AMMECR1: variants seen among roughly 807,000 people sequenced by gnomAD.
The protein encoded by AMMECR1 is nuclear protein AMMECR1.
Under a neutral mutation model 22.5 loss-of-function variants are expected in AMMECR1, and 3 were observed. The observed-to-expected ratio is 0.13, with a 90% CI of 0.06 to 0.35. The LOEUF is 0.35. AMMECR1 is among the 10% of genes least tolerant of loss of function. The pLI is 1.00. For missense variants in AMMECR1, 235 were observed against 278.7 expected (o/e 0.84, Z 1.12); for synonymous variants, 130 against 116.7 (o/e 1.11, Z -0.74).
intron 2 of AMMECR1, among the ~76,000 whole-genome samples, chrX:110,375,923 TG>T (rs2068373488): frequency 9.0e-6 from 1 of 111,659 alleles, no homozygotes; most frequent in Admixed American, 9.5e-5. Flanking sequence ...CTAATATTGA[TG>T]TCAGTTATAG....
At chrX:110,337,595 T>C (rs1277239441) in intron 2 of AMMECR1, among the ~76,000 whole-genome samples, 1 of 111,301 alleles carries the variant, frequency 9.0e-6, no homozygotes, top group Non-Finnish European at 1.9e-5. Context: ...GTAGAGAAAA[T>C]TGAACTCTTG....
chrX:110,313,586 T>C (rs1170372281), intron 1 of AMMECR1, among the ~76,000 whole-genome samples: 6 of 112,327 alleles, frequency 5.3e-5, no homozygotes, highest in African/African-American at 1.9e-4. Context: ...GAGCATTTTA[T>C]GGGAACAAAG....
At chrX:110,407,252 T>C (rs774492481) in intron 2 of AMMECR1, among the ~76,000 whole-genome samples, 42 of 112,100 alleles carry the variant, frequency 3.7e-4, no homozygotes, top group African/African-American at 1.2e-3. Flanking sequence ...AAAATAAAAA[T>C]ACATTCTCAA....
intron 1 of AMMECR1, among the ~76,000 whole-genome samples, chrX:110,301,378 TA>T (rs1475812789): frequency 8.9e-6 from 1 of 112,671 alleles, no homozygotes; most frequent in Non-Finnish European, 1.9e-5. Flanking sequence ...GCACAGGGTC[TA>T]AAAGTCAGCC....
intron 1 of AMMECR1, among the ~76,000 whole-genome samples, chrX:110,266,699 T>A (rs905848862): frequency 1.8e-5 from 2 of 109,517 alleles, no homozygotes; most frequent in East Asian, 2.8e-4. Context: ...TTTTTTTTTT[T>A]AAATTATACT....
chrX:110,344,793 A>C (rs868511368), intron 2 of AMMECR1, among the ~76,000 whole-genome samples: 20 of 111,505 alleles, frequency 1.8e-4, no homozygotes, highest in African/African-American at 1.6e-4. Flanking sequence ...AACCACAATG[A>C]GATACCATCT....
intron 2 of AMMECR1, among the ~76,000 whole-genome samples, chrX:110,360,357 C>T (rs1024762294): frequency 3.6e-5 from 4 of 111,622 alleles, no homozygotes; most frequent in Non-Finnish European, 5.7e-5. Context: ...GCAAAATATG[C>T]ATAGCACTGT....
intron 2 of AMMECR1, among the ~76,000 whole-genome samples, chrX:110,329,986 T>C (rs1452748715): frequency 3.6e-5 from 4 of 111,896 alleles, no homozygotes; most frequent in Non-Finnish European, 5.6e-5. Context: ...TTTTCTCTAC[T>C]CCTGCTCTGA....
chrX:110,366,039 G>A (rs2068294990), intron 2 of AMMECR1, among the ~76,000 whole-genome samples: 1 of 111,726 alleles, frequency 9.0e-6, no homozygotes, highest in South Asian at 3.7e-4. Flanking sequence ...GACTGGCTCA[G>A]CTGCAGAATA....
At chrX:110,390,936 T>C (rs2068489910) in intron 2 of AMMECR1, among the ~76,000 whole-genome samples, 1 of 111,836 alleles carries the variant, frequency 8.9e-6, no homozygotes, top group East Asian at 2.8e-4. Flanking sequence ...TACCCTCTCA[T>C]ACCCATTTTT....
chrX:110,217,502 T>TACACACACAC (rs759487797), intron 2 of AMMECR1, among the ~76,000 whole-genome samples: 147 of 88,582 alleles, frequency 1.7e-3, no homozygotes, highest in African/African-American at 4.8e-3. Flanking sequence ...GAATAGAAAA[T>TACACACACAC]ACACACACAC....
rs181062404 is a variant in AMMECR1 at position 110,232,844 on chromosome X, C to T, written c.585-16212G>A. 6.1e-3 allele frequency among the ~76,000 whole-genome samples: 560 copies of T among 92,092 alleles called. 2 individuals are homozygous for T. The highest frequency in any genetic ancestry group is 0.021 in the African/African-American group (513 of 23,984). The allele number at this position is 92,092 out of a possible 115,157, so 80.0% of individuals were successfully genotyped here. A position where few individuals can be genotyped will look rare whatever the true frequency, so the allele number is the denominator to read the frequency against. On this transcript the variant is annotated intron_variant, in intron 2 of 5. Transcript: ENST00000262844. ...GGCGGAGCTTGCAATGAGCTGAGATCGCGCCATTGCACTCCAGCCTGGGTG... is the reference window on the plus strand; with the variant it reads ...GGCGGAGCTTGCAATGAGCTGAGATTGCGCCATTGCACTCCAGCCTGGGTG...
At chrX:110,439,542 A>G (rs1049678806) in intron 1 of AMMECR1, among the ~76,000 whole-genome samples, 1 of 112,177 alleles carries the variant, frequency 8.9e-6, no homozygotes, top group Admixed American at 9.4e-5. Flanking sequence ...CTGTGGTTGC[A>G]TTTAAGACAT....
intron 1 of AMMECR1, among the ~76,000 whole-genome samples, chrX:110,293,776 T>C (rs1310174259): frequency 1.8e-5 from 2 of 112,097 alleles, no homozygotes; most frequent in Non-Finnish European, 3.8e-5. Context: ...ATATGATTTA[T>C]AAATTTCCTT....
chrX:110,239,376 A>C (rs903618132), intron 2 of AMMECR1, among the ~76,000 whole-genome samples: 1 of 110,937 alleles, frequency 9.0e-6, no homozygotes, highest in Non-Finnish European at 1.9e-5. Flanking sequence ...GAGCTGAAAA[A>C]CACAGCATGA....
chrX:110,420,955 C>A (rs755520262), intron 2 of AMMECR1, among the ~76,000 whole-genome samples: 11 of 111,679 alleles, frequency 9.8e-5, no homozygotes, highest in African/African-American at 3.6e-4. Flanking sequence ...ACTGCCTCAG[C>A]CCTTGAAAAT....
At chrX:110,359,664 TGA>T (rs1160165066) in intron 2 of AMMECR1, among the ~76,000 whole-genome samples, 2 of 111,949 alleles carry the variant, frequency 1.8e-5, no homozygotes, top group African/African-American at 6.5e-5. Context: ...AAAAATATAC[TGA>T]GTGTCTTACT....
chrX:110,205,552 C>T (rs749838653), intron 3 of AMMECR1, among the ~76,000 whole-genome samples: 11 of 111,466 alleles, frequency 9.9e-5, no homozygotes, highest in Non-Finnish European at 1.5e-4. Context: ...TAACTTTCTA[C>T]GTATGGATGA....
rs2067379854 is a variant in AMMECR1 at position 110,198,204 on chromosome X, G to C, written c.*316C>G. ...AGCAAAACGGGAAGAAAGGCAAGGA[G>C]GACAGAAAAACAGAAACCTGACTGA... On this transcript the variant is annotated 3_prime_UTR_variant, in exon 6 of 6. Transcript: ENST00000262844. The C allele has an allele frequency of 6.8e-6, 1 of 146,961 alleles. No individual in the cohort carries two copies. Among genetic ancestry groups the C allele is most frequent in the East Asian group, 1.5e-4 (1 of 6,792 alleles). The allele number at this position is 146,961 out of a possible 1,213,427, so 12.1% of individuals were successfully genotyped here. A position where few individuals can be genotyped will look rare whatever the true frequency, so the allele number is the denominator to read the frequency against.
Sources: gnomAD v4.1 joint callset for allele counts (sites outside exome capture counted in the v4.1 genomes callset) on GRCh38, gnomAD v4.1.1 for gene constraint, MANE v1.5 for transcripts, NCBI Gene and HGNC (gene_info 2026-07-23, HGNC 2026-07-21) for gene names.